The following MLLT3 variants were observed in gnomAD, a reference collection of about 807,000 sequenced individuals.
MLLT3 encodes protein AF-9.
MLLT3 carries 4 observed loss-of-function variants against 53.2 expected under a neutral mutation model. That is an observed-to-expected ratio of 0.08 (90% confidence interval 0.04 to 0.17). MLLT3 has a LOEUF of 0.17. MLLT3 is among the 10% of genes least tolerant of loss of function. The pLI is 1.00. For synonymous variants in MLLT3, 283 were observed against 230.6 expected, an observed-to-expected ratio of 1.23 and a Z score of -2.06; for missense variants, 569 against 684.0, an observed-to-expected ratio of 0.83 and a Z score of 1.87.
chr9:20,505,685 G>A (rs1045926556), intron 2 of MLLT3, among the ~76,000 whole-genome samples: 21 of 152,090 alleles, frequency 1.4e-4, no homozygotes, highest in East Asian at 5.8e-4. Flanking sequence ...AAGGACTATC[G>A]TGACACACAT....
intron 2 of MLLT3, among the ~76,000 whole-genome samples, chr9:20,517,528 C>T (rs902250987): frequency 1.3e-4 from 19 of 151,842 alleles, no homozygotes; most frequent in African/African-American, 4.6e-4. Context: ...CTAGATCATC[C>T]TGTGGGGTCA....
chr9:20,407,689 C>T (rs1392012428), intron 5 of MLLT3, among the ~76,000 whole-genome samples: 1 of 152,136 alleles, frequency 6.6e-6, no homozygotes, highest in Non-Finnish European at 1.5e-5. Flanking sequence ...ATCCTAGCTC[C>T]ATCACTTCTA....
chr9:20,411,386 C>T (rs898182535), intron 5 of MLLT3: 2 of 152,574 alleles, frequency 1.3e-5, no homozygotes, highest in African/African-American at 4.8e-5. Flanking sequence ...GTTTACATGA[C>T]ATCACTTTTG....
chr9:20,565,944 A>G (rs1385761813), intron 2 of MLLT3, among the ~76,000 whole-genome samples: 7 of 9,432 alleles, frequency 7.4e-4, no homozygotes, highest in Non-Finnish European at 1.6e-3. Flanking sequence ...ATATTTATAT[A>G]TATATATATT....
At chr9:20,592,467 G>A (rs10811375) in intron 2 of MLLT3, among the ~76,000 whole-genome samples, 28 of 151,544 alleles carry the variant, frequency 1.8e-4, no homozygotes, top group Non-Finnish European at 3.5e-4. Context: ...GTCTTTTCTT[G>A]GTGTGTCTGT....
Position 20,609,295 on chromosome 9 carries a change from C to T in MLLT3, c.193+11359G>A, listed in dbSNP as rs2131206367. Among the ~76,000 whole-genome samples, 2 of 152,162 alleles carry T rather than the reference C, an allele frequency of 1.3e-5. 1 individual carries two copies. On this transcript the variant is annotated intron_variant, in intron 2 of 10. Transcript: ENST00000380338. ...AAGTACTTGCTTTTCAAAACAACTT[C>T]AATTCAGCATTTGAATTATTAAATA...
chr9:20,375,940 T>G (rs1194036581), intron 5 of MLLT3, among the ~76,000 whole-genome samples: 1 of 152,210 alleles, frequency 6.6e-6, no homozygotes, highest in East Asian at 1.9e-4. Flanking sequence ...AACAGGGAAG[T>G]TTCTTCTCTG....
chr9:20,394,567 T>C (rs112096320), intron 5 of MLLT3, among the ~76,000 whole-genome samples: 1 of 152,246 alleles, frequency 6.6e-6, no homozygotes, highest in African/African-American at 2.4e-5. Context: ...GGAGACATCA[T>C]GTCTGGGTGT....
At chr9:20,452,255 A>G (rs545759239) in intron 3 of MLLT3, among the ~76,000 whole-genome samples, 11 of 152,218 alleles carry the variant, frequency 7.2e-5, no homozygotes, top group African/African-American at 2.6e-4. Context: ...CATAATCCCC[A>G]CGTGTCTTGG....
chr9:20,504,468 T>A (rs910722346), intron 2 of MLLT3, among the ~76,000 whole-genome samples: 7 of 152,028 alleles, frequency 4.6e-5, no homozygotes, highest in African/African-American at 1.7e-4. Context: ...CTGGAAGACA[T>A]TATGTTAAGA....
At chr9:20,593,716 G>A (rs546888558) in intron 2 of MLLT3, among the ~76,000 whole-genome samples, 2 of 152,254 alleles carry the variant, frequency 1.3e-5, no homozygotes, top group Non-Finnish European at 2.9e-5. Flanking sequence ...AAACAATAGG[G>A]ATGGGTAATG....
chr9:20,479,328 A>G (rs948095386), intron 2 of MLLT3, among the ~76,000 whole-genome samples: 4 of 152,082 alleles, frequency 2.6e-5, no homozygotes, highest in Non-Finnish European at 5.9e-5. Context: ...TAAGCACTAG[A>G]ACTATTTCTC....
chr9:20,597,445 T>C (rs566393437), intron 2 of MLLT3, among the ~76,000 whole-genome samples: 4 of 152,314 alleles, frequency 2.6e-5, no homozygotes, highest in Non-Finnish European at 5.9e-5. Context: ...CACAAGTAAT[T>C]TGTATAGACA....
chr9:20,447,355 T>C (rs763126662), intron 4 of MLLT3, among the ~76,000 whole-genome samples: 1 of 152,094 alleles, frequency 6.6e-6, no homozygotes, highest in Non-Finnish European at 1.5e-5. Context: ...AAAGAACACA[T>C]CTCAAAATAG....
At chr9:20,572,233 G>A (rs1489155927) in intron 2 of MLLT3, among the ~76,000 whole-genome samples, 1 of 152,192 alleles carries the variant, frequency 6.6e-6, no homozygotes, top group East Asian at 1.9e-4. Context: ...ATGGGGAGAT[G>A]TTGGCCAAAG....
chr9:20,350,569 T>C (rs1010961583), intron 10 of MLLT3, among the ~76,000 whole-genome samples: 4 of 129,900 alleles, frequency 3.1e-5, no homozygotes, highest in East Asian at 2.5e-4. Flanking sequence ...CACTCCAGCC[T>C]GGGCGACAGA....
chr9:20,408,696 C>T (rs774926990), intron 5 of MLLT3, among the ~76,000 whole-genome samples: 9 of 152,088 alleles, frequency 5.9e-5, no homozygotes, highest in Non-Finnish European at 8.8e-5. Flanking sequence ...CATTAAAAAG[C>T]CACTTTGAAA....
intron 2 of MLLT3, among the ~76,000 whole-genome samples, chr9:20,608,952 T>G (rs987944020): frequency 6.6e-6 from 1 of 152,030 alleles, no homozygotes; most frequent in African/African-American, 2.4e-5. Flanking sequence ...ATCTATCACA[T>G]ACTTCTCAAA....
intron 2 of MLLT3, among the ~76,000 whole-genome samples, chr9:20,507,125 G>A (rs553093835): frequency 1.2e-4 from 18 of 152,310 alleles, no homozygotes; most frequent in Admixed American, 1.0e-3. Flanking sequence ...GTCTACATTT[G>A]AAAGAGAACT....
Sources: gnomAD v4.1 joint callset for allele counts (sites outside exome capture counted in the v4.1 genomes callset) on GRCh38, gnomAD v4.1.1 for gene constraint, MANE v1.5 for transcripts, NCBI Gene and HGNC (gene_info 2026-07-23, HGNC 2026-07-21) for gene names.